Variants in CELF2 observed in about 807,000 individuals in gnomAD.
CELF2 encodes CUGBP Elav-like family member 2, also known as CUG triplet repeat RNA-binding protein 2.
In CELF2, 8 loss-of-function variants were observed where a neutral mutation model predicts 62.6. That is an observed-to-expected ratio of 0.13 (90% CI 0.07 to 0.23). The LOEUF (loss-of-function observed/expected upper bound fraction) is 0.23. CELF2 is among the 10% of genes least tolerant of loss of function. The pLI, the probability that CELF2 is intolerant of heterozygous loss-of-function variation, is 1.00. For synonymous variants in CELF2, 258 were observed against 250.0 expected (o/e 1.03, Z -0.30); for missense variants, 333 against 671.0 (o/e 0.50, Z 5.56).
At chr10:11,130,692 A>G (rs1249787707) in intron 1 of CELF2, among the ~76,000 whole-genome samples, 3 of 152,240 alleles carry the variant, frequency 2.0e-5, no homozygotes, top group African/African-American at 7.2e-5. Flanking sequence ...TTAAAAATAC[A>G]CTTAAAAATG....
Position 11,315,841 on chromosome 10 carries a change from G to A in CELF2, c.1096+1583G>A, listed in dbSNP as rs943899815. 2.6e-5 allele frequency among the ~76,000 whole-genome samples: 4 copies of A among 152,230 alleles called. No homozygotes were observed. Among genetic ancestry groups the A allele is most frequent in the African/African-American group, 7.2e-5 (3 of 41,458 alleles). ...TGTCCTTCACCTAGGTCGAGGACGC[G>A]TGTGCTCGCACACATCCCCTCATGC... On this transcript the variant is annotated intron_variant, in intron 10 of 12. Coordinates refer to ENST00000633077, the MANE Select transcript of CELF2 (RefSeq NM_001326342.2). The surrounding 1 kb of genome is among the most constrained non-coding windows in gnomAD (Gnocchi z 5.8).
chr10:11,130,314 T>C (rs1012417401), intron 1 of CELF2, among the ~76,000 whole-genome samples: 1 of 152,202 alleles, frequency 6.6e-6, no homozygotes, highest in African/African-American at 2.4e-5. Flanking sequence ...TAATTCACCA[T>C]TTTCTTAATG....
chr10:11,281,182 G>T (rs1179981332), intron 8 of CELF2, among the ~76,000 whole-genome samples: 1 of 152,044 alleles, frequency 6.6e-6, no homozygotes, highest in East Asian at 1.9e-4. Flanking sequence ...GTCAAAAGAG[G>T]TCAGAAGTTC....
intron 1 of CELF2, among the ~76,000 whole-genome samples, chr10:10,806,093 A>G (rs1265646374): frequency 1.3e-5 from 2 of 152,204 alleles, no homozygotes; most frequent in Non-Finnish European, 2.9e-5. Flanking sequence ...GCAGTCAGAC[A>G]GATTTCCTGG....
chr10:10,682,412 A>G, the CELF2 span, among the ~76,000 whole-genome samples: 1 of 152,238 alleles, frequency 6.6e-6, no homozygotes, highest in African/African-American at 2.4e-5. Flanking sequence ...TGTTTCACAA[A>G]TTGGAGGACT....
chr10:10,478,330 T>A, the CELF2 span, among the ~76,000 whole-genome samples: 1 of 152,206 alleles, frequency 6.6e-6, no homozygotes, highest in African/African-American at 2.4e-5. Context: ...TTAGGTATTT[T>A]TATCATTAAG....
rs183147073 is a variant in CELF2 at position 11,191,512 on chromosome 10, G to A, written c.271+25830G>A. On this transcript the variant is annotated intron_variant, in intron 2 of 12. Transcript: ENST00000633077. The surrounding 1 kb of genome is among the most constrained non-coding windows in gnomAD (Gnocchi z 4.1). Reference sequence around the variant, plus strand: ...CGTCAGCTACCAACCTTGTGGTCTCGGGAAAGTGACCTATCAAGGGGGCAT... The same window carrying A: ...CGTCAGCTACCAACCTTGTGGTCTCAGGAAAGTGACCTATCAAGGGGGCAT... 4.1e-3 allele frequency among the ~76,000 whole-genome samples: 626 copies of A among 152,272 alleles called. 5 individuals are homozygous for A. Among genetic ancestry groups the A allele is most frequent in the African/African-American group, 0.014 (601 of 41,554 alleles).
At chr10:10,960,740 CTGG>C (rs2049405615) in intron 2 of CELF2, among the ~76,000 whole-genome samples, 1 of 152,196 alleles carries the variant, frequency 6.6e-6, no homozygotes, top group Non-Finnish European at 1.5e-5. Flanking sequence ...TCAGAGCTGG[CTGG>C]TTGTTTAGCT....
the CELF2 span, among the ~76,000 whole-genome samples, chr10:10,490,833 T>C: frequency 6.6e-6 from 1 of 151,894 alleles, no homozygotes; most frequent in African/African-American, 2.4e-5. Context: ...CCCAAGGGAG[T>C]TAATAATGGC....
chr10:11,278,953 C>A (rs1297710840), intron 8 of CELF2, among the ~76,000 whole-genome samples: 1 of 152,164 alleles, frequency 6.6e-6, no homozygotes, highest in African/African-American at 2.4e-5. Context: ...TGATGCAAAC[C>A]CAGGCTGGCA....
At chr10:11,041,333 A>G (rs1451703786) in intron 1 of CELF2, among the ~76,000 whole-genome samples, 3 of 152,330 alleles carry the variant, frequency 2.0e-5, no homozygotes, top group Middle Eastern at 3.4e-3. Context: ...GATGTAGAGT[A>G]AGATCCCGAG....
chr10:10,600,517 G>A, the CELF2 span, among the ~76,000 whole-genome samples: 1 of 152,190 alleles, frequency 6.6e-6, no homozygotes, highest in Non-Finnish European at 1.5e-5. Context: ...TTGTAGCCAT[G>A]GAAACAGAAG....
Position 11,224,853 on chromosome 10 carries a change from A to G in CELF2, c.354+7346A>G, listed in dbSNP as rs534537835. Among the ~76,000 whole-genome samples, 17 of 152,274 alleles carry G rather than the reference A, an allele frequency of 1.1e-4. No homozygotes were observed. The highest frequency in any genetic ancestry group is 8.3e-4 in the South Asian group (4 of 4,824). ...ATGTGGAGAGAGTTCTCCCAGGAAC[A>G]CCAAGGTTCTTCCCCCACACACTAG... On this transcript the variant is annotated intron_variant, in intron 3 of 12. Transcript: ENST00000633077. This position sits in a 1 kb window ranked among gnomAD's most constrained non-coding sequence, Gnocchi z 4.5.
intron 1 of CELF2, among the ~76,000 whole-genome samples, chr10:11,032,395 A>G (rs1168486225): frequency 6.6e-6 from 1 of 152,144 alleles, no homozygotes; most frequent in Admixed American, 6.6e-5. Context: ...AGGTGGGGGA[A>G]TCGCTTGAGG....
At chr10:10,824,005 CATAG>C (rs983280158) in intron 1 of CELF2, among the ~76,000 whole-genome samples, 6 of 151,618 alleles carry the variant, frequency 4.0e-5, no homozygotes, top group African/African-American at 1.2e-4. Flanking sequence ...TACATAGATA[CATAG>C]ATAAATAGAT....
At chr10:10,595,918 C>T in the CELF2 span, among the ~76,000 whole-genome samples, 1 of 152,032 alleles carries the variant, frequency 6.6e-6, no homozygotes, top group Non-Finnish European at 1.5e-5. Flanking sequence ...AGATGGTATA[C>T]ATATTACTGC....
At chr10:10,987,665 A>C (rs964366714) in intron 2 of CELF2, among the ~76,000 whole-genome samples, 1 of 152,208 alleles carries the variant, frequency 6.6e-6, no homozygotes. Flanking sequence ...ATATTAACAT[A>C]CTATAACACA....
Position 11,296,420 on chromosome 10 carries a change from A to G in CELF2, c.976+7868A>G, listed in dbSNP as rs1315838339. Among the ~76,000 whole-genome samples the G allele has an allele frequency of 6.6e-6, 1 of 152,222 alleles. No homozygotes were observed. The highest frequency in any genetic ancestry group is 2.4e-5 in the African/African-American group (1 of 41,430). ...AGATTTTTTATTCTCACTAAATCAC[A>G]GAAATTTTTATTTCTGTGATCTTGT... On this transcript the variant is annotated intron_variant, in intron 9 of 12. Transcript: ENST00000633077. The surrounding 1 kb of genome is among the most constrained non-coding windows in gnomAD (Gnocchi z 5.0).
At chr10:11,230,433 C>T (rs1479699716) in intron 3 of CELF2, among the ~76,000 whole-genome samples, 1 of 152,174 alleles carries the variant, frequency 6.6e-6, no homozygotes, top group Non-Finnish European at 1.5e-5. Context: ...GTAGGGCAAC[C>T]CCGTTTGTGT....
Sources: allele counts gnomAD v4.1 joint callset (sites outside exome capture counted in the v4.1 genomes callset), GRCh38; gene constraint gnomAD v4.1.1; non-coding constraint Gnocchi (gnomAD v3.1); transcripts MANE v1.5; gene names NCBI Gene and HGNC (gene_info 2026-07-23, HGNC 2026-07-21).